Variants in CFAP20DC observed in about 807,000 individuals in gnomAD.
CFAP20DC encodes CFAP20 domain containing, also known as protein CFAP20DC.
In CFAP20DC, 84 loss-of-function variants were observed where a neutral mutation model predicts 101.7. That is an observed-to-expected ratio of 0.83 (90% CI 0.69 to 0.99). The LOEUF is 0.99. CFAP20DC is among the 50% of genes least tolerant of loss of function. The pLI is 0.00. For synonymous variants in CFAP20DC, 359 were observed against 351.2 expected (o/e 1.02, Z -0.25); for missense variants, 1,007 against 970.3 (o/e 1.04, Z -0.50).
chr3:58,851,093 C>A (rs1039886186), intron 12 of CFAP20DC, among the ~76,000 whole-genome samples: 1 of 152,098 alleles, frequency 6.6e-6, no homozygotes, highest in African/African-American at 2.4e-5. Flanking sequence ...CCAAGTACAT[C>A]TAGGTGCTGC....
intron 16 of CFAP20DC, among the ~76,000 whole-genome samples, chr3:58,752,154 T>C (rs966633578): frequency 6.6e-6 from 1 of 152,140 alleles, no homozygotes; most frequent in African/African-American, 2.4e-5. Context: ...ATTAACCAAA[T>C]AGGAAACACT....
At chr3:58,790,052 T>C (rs781171304) in intron 15 of CFAP20DC, among the ~76,000 whole-genome samples, 2 of 152,188 alleles carry the variant, frequency 1.3e-5, no homozygotes, top group South Asian at 2.1e-4. Context: ...CTTATTAATA[T>C]TGATGTGTAA....
intron 4 of CFAP20DC, among the ~76,000 whole-genome samples, chr3:58,990,771 G>A (rs2092912577): frequency 6.6e-6 from 1 of 151,904 alleles, no homozygotes. Flanking sequence ...GTGTGTGTGT[G>A]TGTGTGTGTG....
intron 15 of CFAP20DC, among the ~76,000 whole-genome samples, chr3:58,765,908 G>T (rs1386424250): frequency 6.6e-6 from 1 of 152,156 alleles, no homozygotes; most frequent in Non-Finnish European, 1.5e-5. Context: ...ACAATTCATA[G>T]ATTCTTATTA....
At chr3:58,771,899 C>G (rs1374889576) in intron 15 of CFAP20DC, among the ~76,000 whole-genome samples, 1 of 152,128 alleles carries the variant, frequency 6.6e-6, no homozygotes, top group Non-Finnish European at 1.5e-5. Context: ...TGGGTCTAGC[C>G]CTTCTTTGAG....
At chr3:58,813,552 G>C (rs1202414972) in intron 14 of CFAP20DC, among the ~76,000 whole-genome samples, 1 of 151,860 alleles carries the variant, frequency 6.6e-6, no homozygotes, top group Non-Finnish European at 1.5e-5. Context: ...GAACAACGTA[G>C]CCATGGTGCC....
chr3:58,967,669 G>T (rs1305904140), intron 4 of CFAP20DC, among the ~76,000 whole-genome samples: 6 of 152,076 alleles, frequency 3.9e-5, no homozygotes, highest in Admixed American at 3.9e-4. Context: ...ACAACGAAAA[G>T]ATAATCCAAT....
chr3:58,922,427 G>A (rs1183908011), intron 5 of CFAP20DC, among the ~76,000 whole-genome samples: 2 of 152,156 alleles, frequency 1.3e-5, no homozygotes. Context: ...TTAGAGATGG[G>A]GCCTGGTGGG....
rs1231135871 is a variant in CFAP20DC, at chr3:59,039,559, C to T, written c.276G>A (p.Leu92=). The change falls in exon 4 of 17, where the codon TTG becomes TTA. Residue 92 remains leucine, a splice_region_variant and synonymous_variant. Coordinates refer to ENST00000482387, the MANE Select transcript of CFAP20DC (RefSeq NM_001394063.1). Reference sequence around the variant, plus strand: ...CAAAGAAGTTCTGTATATCTTACAGCAATTCAGTGGAGAAGTCTTGTCCCA... The same window carrying T: ...CAAAGAAGTTCTGTATATCTTACAGTAATTCAGTGGAGAAGTCTTGTCCCA... The part of the protein sequence containing the change: ...VPLGQDFSTE[L]LITDLGNIKR... 1.1e-5 allele frequency: 16 copies of T among 1,510,044 alleles called. No individual in the cohort carries two copies. Among genetic ancestry groups the T allele is most frequent in the Non-Finnish European group, 1.4e-5 (16 of 1,126,004 alleles). 93.5% of individuals were successfully genotyped at this position (1,510,044 alleles called of 1,614,324 possible). A position where few individuals can be genotyped will look rare whatever the true frequency, so the allele number is the denominator to read the frequency against.
intron 15 of CFAP20DC, among the ~76,000 whole-genome samples, chr3:58,779,446 T>C (rs1268723290): frequency 6.6e-6 from 1 of 152,120 alleles, no homozygotes; most frequent in Non-Finnish European, 1.5e-5. Flanking sequence ...AAATGATCAA[T>C]TCAGCTAGAG....
chr3:58,886,899 T>TTG (rs1379468387), intron 6 of CFAP20DC, among the ~76,000 whole-genome samples: 7 of 152,184 alleles, frequency 4.6e-5, no homozygotes, highest in African/African-American at 1.7e-4. Flanking sequence ...GTGGGAAATT[T>TTG]TGTGTGTATA....
intron 15 of CFAP20DC, among the ~76,000 whole-genome samples, chr3:58,771,056 G>A (rs532128917): frequency 6.6e-6 from 1 of 152,262 alleles, no homozygotes; most frequent in Non-Finnish European, 1.5e-5. Context: ...ATACACCATG[G>A]AATACTATGC....
At chr3:58,809,148 CA>C (rs1386660493) in intron 14 of CFAP20DC, among the ~76,000 whole-genome samples, 1 of 147,376 alleles carries the variant, frequency 6.8e-6, no homozygotes, top group Non-Finnish European at 1.5e-5. Context: ...CAACATTAGA[CA>C]GAAAGTTAAC....
chr3:59,015,550 A>C lies in CFAP20DC; in HGVS notation c.278+24007T>G, dbSNP rs762458252. Among the ~76,000 whole-genome samples the C allele has an allele frequency of 6.6e-6, 1 of 151,084 alleles. No individual in the cohort carries two copies. Among genetic ancestry groups the C allele is most frequent in the Non-Finnish European group, 1.5e-5 (1 of 67,692 alleles). On this transcript the variant is annotated intron_variant, in intron 4 of 16. Transcript: ENST00000482387. The surrounding 1 kb of genome is among the most constrained non-coding windows in gnomAD (Gnocchi z 5.4). ...AGAAAAAGGAAGAGGAAAAGAAGGA[A>C]AGAGGAAGGAGGAGGGTTGGAGGGT...
chr3:59,004,071 A>C (rs1314894596), intron 4 of CFAP20DC, among the ~76,000 whole-genome samples: 2 of 152,210 alleles, frequency 1.3e-5, no homozygotes, highest in African/African-American at 4.8e-5. Flanking sequence ...AAATAGGGCA[A>C]ACCTATGAAT....
At chr3:58,910,345 T>A (rs1417827396) in intron 6 of CFAP20DC, among the ~76,000 whole-genome samples, 1 of 152,170 alleles carries the variant, frequency 6.6e-6, no homozygotes, top group African/African-American at 2.4e-5. Flanking sequence ...AGGCCTTGTA[T>A]CTTCATTCTG....
At chr3:59,023,838 T>C (rs1196301763) in intron 4 of CFAP20DC, among the ~76,000 whole-genome samples, 9 of 152,256 alleles carry the variant, frequency 5.9e-5, no homozygotes, top group Admixed American at 5.9e-4. Context: ...TTTGTATTAT[T>C]ACCCAATTTT....
intron 4 of CFAP20DC, among the ~76,000 whole-genome samples, chr3:58,948,657 T>C (rs891256957): frequency 6.6e-6 from 1 of 152,222 alleles, no homozygotes; most frequent in Admixed American, 6.5e-5. Context: ...TCATGGTGGA[T>C]AAGCTTTTTG....
intron 15 of CFAP20DC, among the ~76,000 whole-genome samples, chr3:58,757,549 C>A (rs528026409): frequency 2.6e-5 from 4 of 151,630 alleles, no homozygotes; most frequent in African/African-American, 7.3e-5. Flanking sequence ...AAGGTATCAG[C>A]CATTTAAAAA....
Sources: allele counts gnomAD v4.1 joint callset (sites outside exome capture counted in the v4.1 genomes callset), GRCh38; gene constraint gnomAD v4.1.1; non-coding constraint Gnocchi (gnomAD v3.1); transcripts MANE v1.5; gene names NCBI Gene and HGNC (gene_info 2026-07-23, HGNC 2026-07-21).